Variants in DGKG observed in about 807,000 individuals in gnomAD.
DGKG encodes the protein diacylglycerol kinase gamma.
In DGKG, 78 loss-of-function variants were observed where a neutral mutation model predicts 105.3. That is an observed-to-expected ratio of 0.74 (90% CI 0.62 to 0.89). The LOEUF is 0.89. DGKG is among the 40% of genes least tolerant of loss of function. The probability of loss-of-function intolerance (pLI) is 0.00; values close to 1 mark genes in which losing one functional copy is unlikely to be tolerated. For missense variants in DGKG, 958 were observed against 1,020.1 expected (o/e 0.94, Z 0.83); for synonymous variants, 346 against 367.1 (o/e 0.94, Z 0.66).
chr3:186,318,610 G>C (rs910974173), intron 2 of DGKG, among the ~76,000 whole-genome samples: 1 of 152,136 alleles, frequency 6.6e-6, no homozygotes, highest in East Asian at 1.9e-4. Context: ...AAGGTTGTGC[G>C]CCTAGGAAAG....
At chr3:186,336,943 G>T (rs1224570390) in intron 1 of DGKG, among the ~76,000 whole-genome samples, 1 of 152,100 alleles carries the variant, frequency 6.6e-6, no homozygotes, top group Non-Finnish European at 1.5e-5. Flanking sequence ...AGTGACTCAA[G>T]AATTAGAAAA....
intron 21 of DGKG, among the ~76,000 whole-genome samples, chr3:186,200,804 T>C (rs1326211754): frequency 8.5e-5 from 13 of 152,222 alleles, no homozygotes; most frequent in Admixed American, 8.5e-4. Context: ...GCTCAAGGAA[T>C]GCGGCATTGA....
intron 20 of DGKG, among the ~76,000 whole-genome samples, chr3:186,240,113 C>T (rs2108549615): frequency 6.6e-6 from 1 of 152,296 alleles, no homozygotes; most frequent in East Asian, 1.9e-4. Context: ...TCACACTGAA[C>T]ATCTTGCTCT....
At chr3:186,242,674 A>ACT in intron 19 of DGKG, 106 bp from the exon 20 acceptor site, 1 of 918,162 alleles carries the variant, frequency 1.1e-6, no homozygotes, top group Non-Finnish European at 1.6e-6. Context: ...CAACCCTGGG[A>ACT]CTCTATCTAT....
At chr3:186,194,390 T>C (rs1279758223) in intron 21 of DGKG, among the ~76,000 whole-genome samples, 1 of 152,224 alleles carries the variant, frequency 6.6e-6, no homozygotes, top group Non-Finnish European at 1.5e-5. Flanking sequence ...TGCCGGCGTT[T>C]CCGCGCCCTC....
In DGKG at chr3:186,161,626, G is replaced by A; in HGVS notation, c.2254C>T (p.Pro752Ser). 1 of 1,614,186 alleles carries A rather than the reference G, an allele frequency of 6.2e-7. No individual in the cohort carries two copies. Among genetic ancestry groups the A allele is most frequent in the Non-Finnish European group, 8.5e-7 (1 of 1,180,032 alleles). Reference protein sequence around the residue: ...KLLPMQVDGEPWMQPCCTIKI... With the variant: ...KLLPMQVDGESWMQPCCTIKI... ...ACCGTGCAACATGGCTGCATCCAGG[G>A]TTCTCCATCCACTTGCATTGGCAGC... The change falls in exon 24 of 25, where the codon CCC becomes TCC. Residue 752 changes from proline (P) to serine (S), a missense_variant. This residue lies in a region of DGKG where 315 missense variants were observed against 400.6 expected (regional missense o/e 0.79). Transcript: ENST00000265022.
At chr3:186,223,404 G>A (rs1719695857) in intron 20 of DGKG, among the ~76,000 whole-genome samples, 2 of 152,048 alleles carry the variant, frequency 1.3e-5, no homozygotes, top group South Asian at 4.2e-4. Flanking sequence ...GGTTATTTCT[G>A]CCTATGTTTC....
At chr3:186,150,772 C>CT (rs967275318) in intron 24 of DGKG, among the ~76,000 whole-genome samples, 7 of 152,128 alleles carry the variant, frequency 4.6e-5, no homozygotes, top group African/African-American at 7.2e-5. Context: ...CTTTTTAAAA[C>CT]TTTTTTTTCT....
At chr3:186,282,015 T>C (rs1388917086) in intron 7 of DGKG, among the ~76,000 whole-genome samples, 1 of 152,152 alleles carries the variant, frequency 6.6e-6, no homozygotes, top group Non-Finnish European at 1.5e-5. Flanking sequence ...AGAACCAGTG[T>C]AGGAATAGAG....
intron 11 of DGKG, among the ~76,000 whole-genome samples, chr3:186,270,954 G>C (rs1050130195): frequency 1.3e-5 from 2 of 152,246 alleles, no homozygotes; most frequent in African/African-American, 4.8e-5. Context: ...CAGGTACACC[G>C]TGTGTCCCGG....
At chr3:186,299,767 CTCTTTCTT>C (rs56331660) in intron 3 of DGKG, among the ~76,000 whole-genome samples, 1,369 of 95,536 alleles carry the variant, frequency 0.014, 35 homozygotes, top group East Asian at 0.056. Flanking sequence ...TTCTTCTTTT[CTCTTTCTT>C]TCTTTCTTTC....
intron 22 of DGKG, among the ~76,000 whole-genome samples, chr3:186,166,245 GGA>G (rs1716537678): frequency 9.5e-5 from 1 of 10,478 alleles, no homozygotes; most frequent in Non-Finnish European, 2.0e-4. Context: ...GATCACTAAT[GGA>G]CATCACTAAT....
intron 21 of DGKG, chr3:186,207,412 T>C (rs1251942816): frequency 2.3e-5 from 22 of 973,136 alleles, no homozygotes; most frequent in Non-Finnish European, 2.7e-5. Context: ...GGACCTCAGG[T>C]GAGCTTCTTA....
intron 22 of DGKG, among the ~76,000 whole-genome samples, chr3:186,175,155 A>G (rs963352529): frequency 2.0e-5 from 3 of 152,190 alleles, no homozygotes; most frequent in African/African-American, 7.2e-5. Flanking sequence ...GGATGGAGGC[A>G]TCCTATCCCT....
At chr3:186,345,360 G>C (rs185909563) in intron 1 of DGKG, among the ~76,000 whole-genome samples, 67 of 152,234 alleles carry the variant, frequency 4.4e-4, no homozygotes, top group Admixed American at 8.5e-4. Context: ...AAAAATGAGT[G>C]ATTTAGCTTA....
intron 4 of DGKG, among the ~76,000 whole-genome samples, 166 bp from the exon 5 acceptor site, chr3:186,297,649 C>T (rs3819857): frequency 0.6 from 90,636 of 151,804 alleles, 27,231 homozygotes; most frequent in African/African-American, 0.62. Flanking sequence ...GCTGTGTCTC[C>T]CCCATTATAG....
chr3:186,183,846 T>C (rs1276720334), intron 22 of DGKG, among the ~76,000 whole-genome samples: 1 of 152,082 alleles, frequency 6.6e-6, no homozygotes, highest in South Asian at 2.1e-4. Context: ...CTGGGATTAC[T>C]GGCATGCGCC....
intron 1 of DGKG, among the ~76,000 whole-genome samples, chr3:186,350,047 C>G (rs551141149): frequency 1.3e-5 from 2 of 152,162 alleles, no homozygotes; most frequent in South Asian, 4.2e-4. Flanking sequence ...CCATGCCTGG[C>G]TAATTTTTGT....
chr3:186,274,018 C>A (rs1260437936), intron 10 of DGKG, among the ~76,000 whole-genome samples: 4 of 152,166 alleles, frequency 2.6e-5, no homozygotes, highest in Non-Finnish European at 5.9e-5. Context: ...CTCTTTTCCC[C>A]CATCTCTTTT....
Sources: gnomAD v4.1 joint callset for allele counts (sites outside exome capture counted in the v4.1 genomes callset) on GRCh38, gnomAD v4.1.1 for gene constraint, gnomAD v4.1.1 regional missense constraint, MANE v1.5 for transcripts, NCBI Gene and HGNC (gene_info 2026-07-23, HGNC 2026-07-21) for gene names.